Variants in GALNT10 observed in about 807,000 individuals in gnomAD.
GALNT10 encodes the protein GalNAc transferase 10.
A neutral mutation model predicts 75.0 loss-of-function variants in GALNT10; 41 were observed. The observed-to-expected ratio is 0.55, with a 90% CI of 0.43 to 0.71. The LOEUF is 0.71. Among genes scored for constraint, GALNT10 ranks in the 30% least tolerant of loss-of-function variants. GALNT10 has a pLI of 0.00. For missense variants in GALNT10, 727 were observed against 818.5 expected, an observed-to-expected ratio of 0.89 and a Z score of 1.36; for synonymous variants, 302 against 313.0, an observed-to-expected ratio of 0.96 and a Z score of 0.37.
chr5:154,314,113 C>G (rs895241403), intron 3 of GALNT10, among the ~76,000 whole-genome samples: 2 of 152,156 alleles, frequency 1.3e-5, no homozygotes, highest in African/African-American at 4.8e-5. Context: ...AATTTACATT[C>G]CAGATGCTGT....
At chr5:154,368,333 T>TGA (rs1407572443) in intron 4 of GALNT10, among the ~76,000 whole-genome samples, 3 of 152,234 alleles carry the variant, frequency 2.0e-5, no homozygotes, top group Admixed American at 2.0e-4. Context: ...ATGCTCTCGC[T>TGA]GAGGTTCAGT....
chr5:154,282,741 T>C (rs1754056902), intron 1 of GALNT10, among the ~76,000 whole-genome samples: 1 of 152,218 alleles, frequency 6.6e-6, no homozygotes, highest in South Asian at 2.1e-4. Context: ...TTTATGGTAT[T>C]AAATCTTTGG....
At chr5:154,343,139 G>C (rs187670700) in intron 4 of GALNT10, among the ~76,000 whole-genome samples, 2 of 152,012 alleles carry the variant, frequency 1.3e-5, no homozygotes, top group African/African-American at 4.8e-5. Flanking sequence ...CCTCAGTCTC[G>C]GTGGAGTCCA....
chr5:154,385,386 C>G (rs187525581), intron 6 of GALNT10, among the ~76,000 whole-genome samples: 1 of 152,170 alleles, frequency 6.6e-6, no homozygotes, highest in Non-Finnish European at 1.5e-5. Flanking sequence ...TGTGTCCTTG[C>G]TGACGTTTTA....
At chr5:154,264,933 A>G (rs1753756540) in intron 1 of GALNT10, among the ~76,000 whole-genome samples, 1 of 152,096 alleles carries the variant, frequency 6.6e-6, no homozygotes, top group African/African-American at 2.4e-5. Context: ...TATGACTTCC[A>G]GTGGGCCAGA....
At chr5:154,338,340 T>C in intron 4 of GALNT10, 1 of 497,268 alleles carries the variant, frequency 2.0e-6, no homozygotes, top group South Asian at 1.9e-5. Flanking sequence ...TGCTCAAAAA[T>C]TTGAGGCTGA....
intron 1 of GALNT10, among the ~76,000 whole-genome samples, chr5:154,214,753 A>C (rs957162073): frequency 6.6e-6 from 1 of 152,260 alleles, no homozygotes; most frequent in Non-Finnish European, 1.5e-5. Context: ...CCATTTTCTC[A>C]TTATGAAACT....
intron 1 of GALNT10, among the ~76,000 whole-genome samples, chr5:154,288,485 G>A (rs572613536): frequency 1.2e-4 from 18 of 151,790 alleles, no homozygotes; most frequent in African/African-American, 4.1e-4. Context: ...TTAAGTAAAA[G>A]CATGCAGATA....
intron 1 of GALNT10, among the ~76,000 whole-genome samples, chr5:154,291,231 C>T (rs754205163): frequency 2.0e-5 from 3 of 152,180 alleles, no homozygotes; most frequent in Non-Finnish European, 2.9e-5. Flanking sequence ...CCCTGTACCC[C>T]ATTCCCAGTA....
intron 1 of GALNT10, among the ~76,000 whole-genome samples, chr5:154,229,489 G>A (rs1301424234): frequency 6.6e-6 from 1 of 152,226 alleles, no homozygotes; most frequent in East Asian, 1.9e-4. Flanking sequence ...AGCACTTTGG[G>A]AGGCTGAGGC....
intron 1 of GALNT10, among the ~76,000 whole-genome samples, chr5:154,251,327 G>A (rs1753518652): frequency 6.6e-6 from 1 of 152,130 alleles, no homozygotes. Flanking sequence ...TAAGTGTGAT[G>A]TTTTTAAAGT....
intron 1 of GALNT10, among the ~76,000 whole-genome samples, chr5:154,252,726 A>C (rs1267502031): frequency 6.6e-6 from 1 of 151,662 alleles, no homozygotes; most frequent in Non-Finnish European, 1.5e-5. Flanking sequence ...TGTGCTTTCA[A>C]ATCTTCTTTT....
chr5:154,337,253 G>A (rs575865197), intron 4 of GALNT10, among the ~76,000 whole-genome samples: 31 of 152,166 alleles, frequency 2.0e-4, no homozygotes, highest in Non-Finnish European at 2.9e-4. Context: ...ACAGAACAGG[G>A]ACTAAAGTAA....
chr5:154,366,686 T>G (rs1378950895), intron 4 of GALNT10, among the ~76,000 whole-genome samples: 1 of 152,214 alleles, frequency 6.6e-6, no homozygotes, highest in Non-Finnish European at 1.5e-5. Flanking sequence ...CTGGAGTCTT[T>G]GGGAGAAGGA....
At chr5:154,302,236 C>G (rs376662146) in intron 3 of GALNT10, among the ~76,000 whole-genome samples, 18 of 152,370 alleles carry the variant, frequency 1.2e-4, no homozygotes, top group African/African-American at 4.1e-4. Flanking sequence ...ATGTCAAGAA[C>G]AAGATTGAGG....
intron 1 of GALNT10, among the ~76,000 whole-genome samples, chr5:154,217,613 G>T (rs1008855151): frequency 6.6e-6 from 1 of 152,196 alleles, no homozygotes; most frequent in African/African-American, 2.4e-5. Flanking sequence ...ATCAATGAAA[G>T]TTCCCACATG....
At chr5:154,345,727 C>A (rs1352487165) in intron 4 of GALNT10, among the ~76,000 whole-genome samples, 2 of 145,940 alleles carry the variant, frequency 1.4e-5, no homozygotes, top group East Asian at 4.1e-4. Flanking sequence ...CTTGACTTCT[C>A]TGGGCTCCAG....
At chr5:154,303,110 C>T (rs1445564903) in intron 3 of GALNT10, among the ~76,000 whole-genome samples, 3 of 151,740 alleles carry the variant, frequency 2.0e-5, no homozygotes, top group African/African-American at 7.3e-5. Context: ...CAACACCCCC[C>T]ACCCAAAAAA....
chr5:154,228,265 T>C (rs1274833272), intron 1 of GALNT10, among the ~76,000 whole-genome samples: 1 of 152,204 alleles, frequency 6.6e-6, no homozygotes, highest in African/African-American at 2.4e-5. Context: ...TGGTATAAAG[T>C]ATGGATCAAA....
Sources: allele counts gnomAD v4.1 joint callset (sites outside exome capture counted in the v4.1 genomes callset), GRCh38; gene constraint gnomAD v4.1.1; transcripts MANE v1.5; gene names NCBI Gene and HGNC (gene_info 2026-07-23, HGNC 2026-07-21).